Variants in HPN observed in about 807,000 individuals in gnomAD.
HPN encodes hepsin, also known as serine protease hepsin.
A neutral mutation model predicts 55.9 loss-of-function variants in HPN; 13 were observed. The ratio of observed to expected loss-of-function variants is 0.23; its 90% CI spans 0.15 to 0.37. HPN has a LOEUF of 0.37. Among genes scored for constraint, HPN ranks in the 10% least tolerant of loss-of-function variants. The pLI is 1.00. For synonymous variants in HPN, 225 were observed against 240.3 expected (o/e 0.94, Z 0.59); for missense variants, 451 against 575.8 (o/e 0.78, Z 2.22).
At chr19:35,064,701 A>G (rs1160380630) in intron 9 of HPN, among the ~76,000 whole-genome samples, 1 of 152,188 alleles carries the variant, frequency 6.6e-6, no homozygotes, top group Non-Finnish European at 1.5e-5. Flanking sequence ...CCCCCTCTCT[A>G]AAATGGGATA....
At chr19:35,047,316 C>A (rs184338970) in intron 2 of HPN, among the ~76,000 whole-genome samples, 6 of 152,230 alleles carry the variant, frequency 3.9e-5, no homozygotes, top group Non-Finnish European at 7.3e-5. Context: ...TGCCTCAAGG[C>A]CTTTGCCTGT....
rs1355201896 is a variant in HPN at position 35,066,375 on chromosome 19, T to C, written c.*88T>C. ...TGGGCCTAGGATGGGACGTTTTTCT[T>C]CTTGGGCCCGGTCCACAGGTCCAAG... is the stretch of plus-strand genomic sequence containing the variant. On this transcript the variant is annotated 3_prime_UTR_variant, in exon 13 of 13. Transcript: ENST00000672452. 2.6e-6 allele frequency: 4 copies of C among 1,517,690 alleles called. No individual in the cohort carries two copies. In the East Asian group the frequency reaches 9.8e-5, roughly 37 times the overall value. 94.0% of individuals were successfully genotyped at this position (1,517,690 alleles called of 1,614,324 possible).
At position 35,060,334 on chromosome 19, in the gene HPN, C is replaced by A. The variant is rs761772285; in HGVS notation, c.455-13C>A. On this transcript the variant is annotated splice_polypyrimidine_tract_variant and intron_variant, in intron 7 of 12. Coordinates refer to ENST00000672452, the MANE Select transcript of HPN (RefSeq NM_001384133.1). ...TCCCCTGTCGCCGCCCCCTGCTGAC[C>A]CTTGTCCCACAGACTGTGGCCGCAG... 6.2e-7 allele frequency: 1 copy of A among 1,610,534 alleles called. No homozygotes were observed. The highest frequency in any genetic ancestry group is 1.7e-5 in the Admixed American group (1 of 60,018).
At chr19:35,054,417 C>CA (rs539679133) in intron 4 of HPN, among the ~76,000 whole-genome samples, 32,225 of 102,788 alleles carry the variant, frequency 0.31, 4,416 homozygotes, top group Non-Finnish European at 0.39. Flanking sequence ...GATTATGTCT[C>CA]AAAAAAAAAA....
rs779665107 is a variant in HPN at position 35,060,409 on chromosome 19, C to T, written c.517C>T (p.Arg173Trp). The T allele has an allele frequency of 1.7e-5, 28 of 1,612,948 alleles. No individual in the cohort carries two copies. Among genetic ancestry groups the T allele is most frequent in the East Asian group, 2.2e-5 (1 of 44,890 alleles). ...IVGGRDTSLGRWPWQVSLRYD... is the reference protein window; with the variant it reads ...IVGGRDTSLGWWPWQVSLRYD... ...GGGAGGCCGGGACACCAGCTTGGGC[C>T]GGTGGCCGTGGCAAGTCAGCCTTCG... Residue 173 changes from arginine to tryptophan, a missense_variant, in exon 8 of 13, where the codon CGG (arginine) becomes TGG (tryptophan). Around this residue, in one of 2 missense-constraint regions of HPN, gnomAD observed 378 missense variants for 445.5 expected, o/e 0.85. Coordinates refer to ENST00000672452, the MANE Select transcript of HPN (RefSeq NM_001384133.1).
At chr19:35,040,642 C>T (rs72550241), upstream of HPN, 189 of 153,164 alleles carry the variant, frequency 1.2e-3, no homozygotes, top group Non-Finnish European at 2.2e-3. Flanking sequence ...GAGGGGGTGC[C>T]GTGGAGGGAA....
Position 35,053,195 on chromosome 19 carries a change from A to C in HPN, c.160+3679A>C, listed in dbSNP as rs2064421526. On this transcript the variant is annotated intron_variant, in intron 4 of 12. Transcript: ENST00000672452. ...AGAGAGTGTGACTTTAAAAATAGCC[A>C]GAGGGGACATTTGATGTTCTCTCCC... Among the ~76,000 whole-genome samples, 7 of 152,196 alleles carry C rather than the reference A, an allele frequency of 4.6e-5. No individual in the cohort carries two copies. In the South Asian group the frequency reaches 1.4e-3, roughly 31 times the overall value.
At chr19:35,052,420 C>T (rs2064414205) in intron 4 of HPN, among the ~76,000 whole-genome samples, 1 of 151,098 alleles carries the variant, frequency 6.6e-6, no homozygotes, top group South Asian at 2.1e-4. Context: ...CCCAGCTACT[C>T]AGGAGGCTGA....
At chr19:35,051,598 A>C (rs2064406070) in intron 4 of HPN, among the ~76,000 whole-genome samples, 1 of 152,052 alleles carries the variant, frequency 6.6e-6, no homozygotes, top group Non-Finnish European at 1.5e-5. Context: ...GCCCCAGGTC[A>C]TGGAGCTAGT....
chr19:35,041,774 G>A lies in HPN; in HGVS notation c.-153G>A, dbSNP rs115117338. ...ACGCCACCGCCTCTGCCTCCAGGCC[G>A]CCCGCTGCTGCGGGGCCACCATGCT... On this transcript the variant is annotated 5_prime_UTR_variant, in exon 1 of 13. Coordinates refer to ENST00000672452, the MANE Select transcript of HPN (RefSeq NM_001384133.1). 1,213 of 1,302,712 alleles carry A rather than the reference G, an allele frequency of 9.3e-4. 8 individuals carry two copies. The African/African-American group carries it at 0.017, about 19-fold the overall frequency. 80.7% of individuals were successfully genotyped at this position (1,302,712 alleles called of 1,614,324 possible).
In HPN at chr19:35,065,540, C is replaced by G; in HGVS notation, c.909C>G (p.Gly303=). 6.2e-7 allele frequency: 1 copy of G among 1,613,874 alleles called. No homozygotes were observed. The highest frequency in any genetic ancestry group is 1.1e-5 in the South Asian group (1 of 91,078). ...CCAGCCTTGCCTGCACACCCCCAGG[C>G]CAACAGGCCGGGGTACTCCAGGAGG... ...VTGWGNTQYY[G]QQAGVLQEAR... Residue 303 remains glycine, a splice_region_variant and synonymous_variant, in exon 11 of 13, where the codon GGC becomes GGG. Transcript: ENST00000672452.
At chr19:35,050,462 C>T (rs1315692800) in intron 4 of HPN, 3 of 1,276,802 alleles carry the variant, frequency 2.3e-6, no homozygotes, top group Non-Finnish European at 3.1e-6. Flanking sequence ...AAAATGAGGA[C>T]CAGAGAGGAC....
intron 2 of HPN, 64 bp from the exon 3 acceptor site, chr19:35,049,226 G>A (rs1008741810): frequency 3.0e-5 from 37 of 1,234,994 alleles, no homozygotes; most frequent in East Asian, 1.0e-4. Flanking sequence ...AGCTGGCCTC[G>A]GGCCCAGACC....
At position 35,066,539 on chromosome 19, in the gene HPN, G is replaced by A; in HGVS notation, c.*252G>A. 5 of 545,836 alleles carry A rather than the reference G, an allele frequency of 9.2e-6. No individual in the cohort carries two copies. Among genetic ancestry groups the A allele is most frequent in the South Asian group, 2.7e-5 (1 of 37,694 alleles). 33.8% of individuals were successfully genotyped at this position (545,836 alleles called of 1,614,324 possible). On this transcript the variant is annotated 3_prime_UTR_variant, in exon 13 of 13. Transcript: ENST00000672452. The stretch of plus-strand genomic sequence containing the variant: ...CCTGTCTAGGTGCCCCTGATGACGG[G>A]ATGCTCTTTAAATAATAAAGATGGT...
chr19:35,059,547 C>T (rs1004549609), intron 4 of HPN, 126 bp from the exon 5 acceptor site: 24 of 1,249,684 alleles, frequency 1.9e-5, no homozygotes, highest in African/African-American at 4.4e-5. Flanking sequence ...TGCAACCCTC[C>T]GATGGGCTGG....
intron 4 of HPN, among the ~76,000 whole-genome samples, chr19:35,050,778 A>G (rs1343296258): frequency 1.3e-5 from 2 of 152,216 alleles, no homozygotes; most frequent in Admixed American, 6.5e-5. Context: ...GCCAACATCA[A>G]CATTAATCAT....
At chr19:35,058,222 C>G (rs1162888941) in intron 4 of HPN, among the ~76,000 whole-genome samples, 1 of 150,712 alleles carries the variant, frequency 6.6e-6, no homozygotes, top group Non-Finnish European at 1.5e-5. Flanking sequence ...CTCTGTCGCC[C>G]AAACTGGAGT....
At chr19:35,042,154 AAGACTT>A in intron 1 of HPN, 1 of 1,163,748 alleles carries the variant, frequency 8.6e-7, no homozygotes, top group South Asian at 2.0e-5. Flanking sequence ...CTCCTTTCCC[AAGACTT>A]ATGATTTCAG....
intron 9 of HPN, among the ~76,000 whole-genome samples, chr19:35,064,737 A>T (rs1307102694): frequency 6.6e-6 from 1 of 152,160 alleles, no homozygotes; most frequent in Non-Finnish European, 1.5e-5. Flanking sequence ...CTCTGGGCTG[A>T]TGAAACATTA....
Sources: allele counts gnomAD v4.1 joint callset (sites outside exome capture counted in the v4.1 genomes callset), GRCh38; gene constraint gnomAD v4.1.1; regional missense constraint gnomAD v4.1.1; transcripts MANE v1.5; gene names NCBI Gene and HGNC (gene_info 2026-07-23, HGNC 2026-07-21).